RNF220: variants seen among roughly 807,000 people sequenced by gnomAD.
The protein encoded by RNF220 is ring finger protein 220.
In RNF220, 7 loss-of-function variants were observed where a neutral mutation model predicts 67.1. The ratio of observed to expected loss-of-function variants is 0.10; its 90% CI spans 0.06 to 0.20. The LOEUF is 0.20. Ranked by LOEUF, RNF220 falls within the 10% of genes least tolerant of loss-of-function variation. RNF220 has a pLI of 1.00. For missense variants in RNF220, 565 were observed against 740.3 expected (o/e 0.76, Z 2.75); for synonymous variants, 270 against 283.2 (o/e 0.95, Z 0.47).
chr1:44,569,054 G>A (rs1216232389), intron 2 of RNF220, among the ~76,000 whole-genome samples: 1 of 152,160 alleles, frequency 6.6e-6, no homozygotes, highest in Non-Finnish European at 1.5e-5. Flanking sequence ...CCTTTAAACA[G>A]ACCTTGAGGT....
intron 2 of RNF220, among the ~76,000 whole-genome samples, chr1:44,559,921 C>T (rs1380975591): frequency 6.6e-6 from 1 of 152,212 alleles, no homozygotes; most frequent in African/African-American, 2.4e-5. Context: ...TCTGAGCTCC[C>T]CCAAGGAAGG....
rs2148509780 is a variant in RNF220 at position 44,645,806 on chromosome 1, GATTC to G, written c.1445+321_1445+324del. On this transcript the variant is annotated intron_variant, in intron 12 of 14. Transcript: ENST00000361799. The surrounding 1 kb of genome is among the most constrained non-coding windows in gnomAD (Gnocchi z 5.0). ...GCCGCCCAGCCCAGCCGGCACACTT[GATTC>G]ATCTCCAGTTTCTGTTTCTTAATCG... is the stretch of plus-strand genomic sequence containing the variant. Among the ~76,000 whole-genome samples the G allele has an allele frequency of 6.6e-6, 1 of 152,382 alleles. No homozygotes were observed. Among genetic ancestry groups the G allele is most frequent in the South Asian group, 2.1e-4 (1 of 4,832 alleles).
chr1:44,473,423 G>A (rs1013661488), intron 2 of RNF220, among the ~76,000 whole-genome samples: 16 of 145,200 alleles, frequency 1.1e-4, no homozygotes, highest in African/African-American at 3.6e-4. Flanking sequence ...TCCACAATGC[G>A]GTGCCCCATC....
At chr1:44,641,882 T>G (rs1644499285) in intron 8 of RNF220, among the ~76,000 whole-genome samples, 2 of 152,356 alleles carry the variant, frequency 1.3e-5, no homozygotes, top group East Asian at 3.9e-4. Flanking sequence ...ACAAAGTGTG[T>G]CGTGCTGTCC....
chr1:44,569,857 C>T (rs914348042), intron 2 of RNF220, among the ~76,000 whole-genome samples: 1 of 152,188 alleles, frequency 6.6e-6, no homozygotes, highest in Admixed American at 6.5e-5. Context: ...GCCCTCTACC[C>T]GCATCGTCCT....
rs1572897812 is a variant in RNF220, at chr1:44,565,614, G to A, written c.626-48551G>A. ...GTTGCATGGAGGGCAAGCATGCCCCGCAGCTGGGGAGGGTGGGGGTCATGG... is the reference window on the plus strand; with the variant it reads ...GTTGCATGGAGGGCAAGCATGCCCCACAGCTGGGGAGGGTGGGGGTCATGG... On this transcript the variant is annotated intron_variant, in intron 2 of 14. Transcript: ENST00000361799. The surrounding 1 kb of genome is among the most constrained non-coding windows in gnomAD (Gnocchi z 4.2). 1.3e-5 allele frequency among the ~76,000 whole-genome samples: 2 copies of A among 152,210 alleles called. No individual in the cohort carries two copies. The highest frequency in any genetic ancestry group is 2.1e-4 in the South Asian group (1 of 4,828).
intron 2 of RNF220, among the ~76,000 whole-genome samples, chr1:44,484,424 A>G (rs1454430267): frequency 1.3e-5 from 2 of 152,122 alleles, no homozygotes; most frequent in African/African-American, 2.4e-5. Flanking sequence ...AGCACATAGC[A>G]AACTGCCGCA....
intron 1 of RNF220, among the ~76,000 whole-genome samples, chr1:44,409,901 GA>G (rs1033242864): frequency 9.4e-5 from 14 of 148,608 alleles, no homozygotes; most frequent in East Asian, 3.8e-4. Context: ...AGAAAAAAAA[GA>G]AAAAAAGCAC....
intron 2 of RNF220, among the ~76,000 whole-genome samples, chr1:44,505,435 G>A (rs1658326285): frequency 6.6e-6 from 1 of 152,244 alleles, no homozygotes; most frequent in African/African-American, 2.4e-5. Context: ...GCAGAGTGAA[G>A]CCACCAGGCC....
chr1:44,446,227 A>G (rs1055256776), intron 2 of RNF220, among the ~76,000 whole-genome samples: 4 of 152,202 alleles, frequency 2.6e-5, no homozygotes, highest in African/African-American at 9.7e-5. Flanking sequence ...TTCAAAGTAA[A>G]ATTTTATAAG....
rs114294574 is a variant in RNF220, at chr1:44,601,259, G to C, written c.626-12906G>C. 2.9e-3 allele frequency among the ~76,000 whole-genome samples: 437 copies of C among 152,312 alleles called. 3 individuals are homozygous for C. The highest frequency in any genetic ancestry group is 9.8e-3 in the African/African-American group (409 of 41,564). On this transcript the variant is annotated intron_variant, in intron 2 of 14. Coordinates refer to ENST00000361799, the MANE Select transcript of RNF220 (RefSeq NM_018150.4). ...GGGGATGAAACTCAGGTTGCGATGA[G>C]TTAAGAAGTGGTTAGGAGGTAAAAA...
At chr1:44,607,257 C>T (rs758374895) in intron 2 of RNF220, among the ~76,000 whole-genome samples, 31 of 152,164 alleles carry the variant, frequency 2.0e-4, no homozygotes, top group Non-Finnish European at 3.8e-4. Context: ...TTTTTAAATA[C>T]AAGTCTGATA....
intron 2 of RNF220, among the ~76,000 whole-genome samples, chr1:44,605,316 A>G (rs1272608580): frequency 8.7e-5 from 13 of 148,696 alleles, no homozygotes; most frequent in Middle Eastern, 3.5e-3. Context: ...AAAAAAAGAA[A>G]AGAAAAGCAT....
intron 2 of RNF220, among the ~76,000 whole-genome samples, chr1:44,517,938 C>G (rs1182964713): frequency 6.6e-6 from 1 of 151,926 alleles, no homozygotes; most frequent in Non-Finnish European, 1.5e-5. Context: ...AAAACCCTTT[C>G]TCTACTGAAA....
At chr1:44,438,821 A>G (rs1447786781) in intron 2 of RNF220, among the ~76,000 whole-genome samples, 2 of 152,272 alleles carry the variant, frequency 1.3e-5, no homozygotes, top group Non-Finnish European at 2.9e-5. Context: ...TGAGTAGATA[A>G]TAAGTAGATC....
chr1:44,559,473 C>T (rs982161494), intron 2 of RNF220, among the ~76,000 whole-genome samples: 3 of 152,198 alleles, frequency 2.0e-5, no homozygotes, highest in African/African-American at 4.8e-5. Context: ...AAGCTGTGCT[C>T]GGCTTATTGA....
chr1:44,541,981 G>T (rs940190834), intron 2 of RNF220, among the ~76,000 whole-genome samples: 2 of 152,188 alleles, frequency 1.3e-5, no homozygotes, highest in Admixed American at 6.5e-5. Flanking sequence ...TGACAATCAG[G>T]ATCCATGCTA....
At chr1:44,480,516 T>G (rs1655703250) in intron 2 of RNF220, among the ~76,000 whole-genome samples, 1 of 152,020 alleles carries the variant, frequency 6.6e-6, no homozygotes, top group Non-Finnish European at 1.5e-5. Flanking sequence ...AACTCTAACA[T>G]TTAAAGATGT....
In RNF220 at chr1:44,622,639, G is replaced by T. The variant is rs1289215109; in HGVS notation, c.759-103G>T. ...GCTTGGCTGAGCTGGGCTGGGCTAG[G>T]CGGTCTATGCCTTCTCTGTCTTTGG... On this transcript the variant is annotated intron_variant, in intron 3 of 14. Transcript: ENST00000361799. This position sits in a 1 kb window ranked among gnomAD's most constrained non-coding sequence, Gnocchi z 4.3. 1 of 1,015,712 alleles carries T rather than the reference G, an allele frequency of 9.8e-7. No individual in the cohort carries two copies. Among genetic ancestry groups the T allele is most frequent in the Non-Finnish European group, 1.5e-6 (1 of 647,574 alleles). 62.9% of individuals were successfully genotyped at this position (1,015,712 alleles called of 1,614,324 possible).
Sources: gnomAD v4.1 joint callset for allele counts (sites outside exome capture counted in the v4.1 genomes callset) on GRCh38, gnomAD v4.1.1 for gene constraint, Gnocchi (gnomAD v3.1) non-coding constraint, MANE v1.5 for transcripts, NCBI Gene and HGNC (gene_info 2026-07-23, HGNC 2026-07-21) for gene names.